Variants in LANCL1 observed in about 807,000 individuals in gnomAD.
LANCL1 encodes glutathione S-transferase LANCL1.
Under a neutral mutation model 50.6 loss-of-function variants are expected in LANCL1, and 50 were observed. The observed-to-expected ratio is 0.99, with a 90% CI of 0.79 to 1.25. LANCL1 has a LOEUF of 1.25. LANCL1 is among the 50% of genes most tolerant of loss of function. LANCL1 has a pLI of 0.00. For synonymous variants in LANCL1, 188 were observed against 178.6 expected (o/e 1.05, Z -0.42); for missense variants, 532 against 480.7 (o/e 1.11, Z -1.00).
At chr2:210,445,279 C>A (rs534286787) in intron 4 of LANCL1, among the ~76,000 whole-genome samples, 3 of 152,266 alleles carry the variant, frequency 2.0e-5, no homozygotes, top group Admixed American at 2.0e-4. Context: ...TAACTCCATT[C>A]CTTTTTTGCT....
chr2:210,474,656 G>A (rs559402693), intron 2 of LANCL1, among the ~76,000 whole-genome samples: 18 of 151,948 alleles, frequency 1.2e-4, no homozygotes, highest in Non-Finnish European at 2.5e-4. Context: ...GGCCTGGGAG[G>A]CAGAAGTTGC....
In LANCL1 at chr2:210,476,737, A is replaced by T. The variant is rs1478718076; in HGVS notation, c.-134T>A. The T allele has an allele frequency of 9.3e-6, 10 of 1,078,946 alleles. No individual in the cohort carries two copies. In the South Asian group the frequency reaches 2.7e-4, roughly 29 times the overall value. 66.8% of individuals were successfully genotyped at this position (1,078,946 alleles called of 1,614,324 possible). A position where few individuals can be genotyped will look rare whatever the true frequency, so the allele number is the denominator to read the frequency against. On this transcript the variant is annotated 5_prime_UTR_variant, in exon 1 of 10. Coordinates refer to ENST00000450366, the MANE Select transcript of LANCL1 (RefSeq NM_006055.3). ...GGCCTCTCACCCCGCAGCCCCGGACAGTAACAGAAGGGCTATTTTACCGCC... is the reference window on the plus strand; with the variant it reads ...GGCCTCTCACCCCGCAGCCCCGGACTGTAACAGAAGGGCTATTTTACCGCC...
chr2:210,476,559 T>G (rs1416487722), intron 1 of LANCL1, 61 bp downstream of exon 1: 14 of 1,395,928 alleles, frequency 1.0e-5, no homozygotes, highest in Non-Finnish European at 1.3e-5. Context: ...TCGGGCCCAC[T>G]GCGGCCCAAC....
intron 4 of LANCL1, among the ~76,000 whole-genome samples, chr2:210,443,638 C>T (rs753328901): frequency 4.6e-5 from 7 of 152,004 alleles, no homozygotes; most frequent in African/African-American, 9.7e-5. Context: ...AGCAGTGTGC[C>T]GTGCCTGTGC....
chr2:210,464,427 A>T (rs1053128834), intron 3 of LANCL1, among the ~76,000 whole-genome samples: 1 of 151,990 alleles, frequency 6.6e-6, no homozygotes, highest in South Asian at 2.1e-4. Flanking sequence ...TTTAAACAAC[A>T]TGGGTCTGAA....
intron 1 of LANCL1, 58 bp from the exon 2 acceptor site, chr2:210,476,470 G>C: frequency 2.9e-6 from 4 of 1,375,484 alleles, no homozygotes; most frequent in South Asian, 1.3e-5. Context: ...GCCGAGTTGC[G>C]AGGGCGGCGG....
Position 210,437,830 on chromosome 2 carries a change from T to C in LANCL1, c.733A>G (p.Lys245Glu), listed in dbSNP as rs769518689. Residue 245 changes from lysine (K) to glutamate (E), a missense_variant, in exon 7 of 10, where the codon AAG becomes GAG. Coordinates refer to ENST00000450366, the MANE Select transcript of LANCL1 (RefSeq NM_006055.3). Reference sequence around the variant, plus strand: ...TGGCAGACGTAGTCTACACTGGGCTTGACCAAACTATGTAACTTCCCTTGG... The same window carrying C: ...TGGCAGACGTAGTCTACACTGGGCTCGACCAAACTATGTAACTTCCCTTGG... ...VSQGKLHSLVKPSVDYVCQLK... is the reference protein window; with the variant it reads ...VSQGKLHSLVEPSVDYVCQLK... The C allele has an allele frequency of 1.9e-6, 3 of 1,610,886 alleles. No homozygotes were observed.
chr2:210,454,514 C>T (rs1007919746), intron 4 of LANCL1, among the ~76,000 whole-genome samples: 5 of 152,142 alleles, frequency 3.3e-5, no homozygotes, highest in East Asian at 1.9e-4. Context: ...TGTTAGCACG[C>T]GCAGTGGAGC....
intron 3 of LANCL1, among the ~76,000 whole-genome samples, chr2:210,469,864 TC>T (rs1469209322): frequency 6.6e-6 from 1 of 152,168 alleles, no homozygotes; most frequent in African/African-American, 2.4e-5. Context: ...CCCTTTTTTT[TC>T]CTCCTAAAGC....
At chr2:210,450,134 C>A (rs1008746985) in intron 4 of LANCL1, among the ~76,000 whole-genome samples, 1 of 152,108 alleles carries the variant, frequency 6.6e-6, no homozygotes, top group Non-Finnish European at 1.5e-5. Flanking sequence ...GGTACTGGTA[C>A]CAAAAACAGA....
Position 210,440,778 on chromosome 2 carries a change from A to C in LANCL1, c.544-34T>G, listed in dbSNP as rs115345049. 783 of 1,594,094 alleles carry C rather than the reference A, an allele frequency of 4.9e-4. 2 individuals carry two copies. The African/African-American group carries it at 9.6e-3, about 20-fold the overall frequency. On this transcript the variant is annotated intron_variant, in intron 5 of 9. Transcript: ENST00000450366. The stretch of plus-strand genomic sequence containing the variant: ...AGAAAACCAACCAAAATAACAAGTT[A>C]ACTGAACAAAAATCTTCCTGGAGGA...
At chr2:210,442,292 C>A (rs1368923034) in intron 4 of LANCL1, among the ~76,000 whole-genome samples, 2 of 152,134 alleles carry the variant, frequency 1.3e-5, no homozygotes, top group Non-Finnish European at 2.9e-5. Context: ...TCAGAAATCA[C>A]CATGGTTACC....
intron 4 of LANCL1, among the ~76,000 whole-genome samples, chr2:210,446,816 A>T (rs1693348822): frequency 6.6e-6 from 1 of 152,104 alleles, no homozygotes; most frequent in Non-Finnish European, 1.5e-5. Flanking sequence ...AAAAAAGAAT[A>T]AAAAGGAACG....
intron 4 of LANCL1, among the ~76,000 whole-genome samples, chr2:210,454,272 T>C (rs925361215): frequency 6.0e-5 from 9 of 150,098 alleles, no homozygotes; most frequent in Non-Finnish European, 1.0e-4. Context: ...GCCTAAACAA[T>C]AGGGGTATAA....
intron 3 of LANCL1, among the ~76,000 whole-genome samples, chr2:210,460,013 C>T (rs958601467): frequency 2.6e-5 from 4 of 152,102 alleles, no homozygotes; most frequent in Non-Finnish European, 4.4e-5. Flanking sequence ...GAATTTCTGA[C>T]GGATCATTAG....
intron 4 of LANCL1, among the ~76,000 whole-genome samples, chr2:210,442,292 C>G (rs1368923034): frequency 6.6e-6 from 1 of 152,134 alleles, no homozygotes; most frequent in African/African-American, 2.4e-5. Context: ...TCAGAAATCA[C>G]CATGGTTACC....
At chr2:210,464,241 C>T (rs12618926) in intron 3 of LANCL1, among the ~76,000 whole-genome samples, 62,807 of 152,026 alleles carry the variant, frequency 0.41, 14,183 homozygotes, top group East Asian at 0.61. Context: ...AATGAAACAA[C>T]AAAATAAAAT....
intron 2 of LANCL1, among the ~76,000 whole-genome samples, chr2:210,472,977 A>T (rs978203865): frequency 1.3e-5 from 2 of 152,230 alleles, no homozygotes; most frequent in African/African-American, 4.8e-5. Context: ...GAAGGTCCAC[A>T]GATGCTGTGC....
At chr2:210,471,813 AG>A in intron 3 of LANCL1, 145 bp downstream of exon 3, 1 of 744,032 alleles carries the variant, frequency 1.3e-6, no homozygotes, top group Non-Finnish European at 2.4e-6. Flanking sequence ...GGTTGGGTTG[AG>A]GGCACAGCAC....
Sources: gnomAD v4.1 joint callset for allele counts (sites outside exome capture counted in the v4.1 genomes callset) on GRCh38, gnomAD v4.1.1 for gene constraint, MANE v1.5 for transcripts, NCBI Gene and HGNC (gene_info 2026-07-23, HGNC 2026-07-21) for gene names.